The following XIRP2 variants were observed in gnomAD, a reference collection of about 807,000 sequenced individuals.
The protein encoded by XIRP2 is xin actin-binding repeat-containing protein 2.
XIRP2 carries 236 observed loss-of-function variants against 277.0 expected under a neutral mutation model. The observed-to-expected ratio is 0.85, with a 90% CI of 0.77 to 0.95. The LOEUF is 0.95. Among genes scored for constraint, XIRP2 ranks in the 40% least tolerant of loss-of-function variants. XIRP2 has a pLI of 0.00. For synonymous variants in XIRP2, 1,490 were observed against 1,416.5 expected (o/e 1.05, Z -1.17); for missense variants, 4,640 against 4,157.5 (o/e 1.12, Z -3.19).
At chr2:167,202,701 ACAGTGAATGCTTGTATCAGTTTC>A (rs1693757343) in intron 3 of XIRP2, among the ~76,000 whole-genome samples, 1 of 152,242 alleles carries the variant, frequency 6.6e-6, no homozygotes, top group Non-Finnish European at 1.5e-5. Context: ...ATGTATGTGT[ACAGTGAATGCTTGTATCAGTTTC>A]CTGTTGCTGC....
chr2:167,156,461 G>GCATT (rs1343875734), intron 3 of XIRP2, among the ~76,000 whole-genome samples: 4 of 151,994 alleles, frequency 2.6e-5, no homozygotes, highest in Admixed American at 6.6e-5. Context: ...TAGGGAAAGT[G>GCATT]CATTCTTAGA....
chr2:166,893,157 A>C (rs1262975125), intron 1 of XIRP2, among the ~76,000 whole-genome samples: 1 of 151,980 alleles, frequency 6.6e-6, no homozygotes, highest in African/African-American at 2.4e-5. Context: ...AAAAGTGAGA[A>C]TATTGGAATT....
At chr2:167,000,399 C>T (rs1687331626) in intron 2 of XIRP2, among the ~76,000 whole-genome samples, 1 of 151,934 alleles carries the variant, frequency 6.6e-6, no homozygotes, top group Non-Finnish European at 1.5e-5. Context: ...TTAATTGTTA[C>T]TTTTTCTAAT....
In XIRP2 at chr2:167,246,745, G is replaced by T. The variant is rs1215828388; in HGVS notation, c.5353G>T (p.Val1785Phe). The T allele has an allele frequency of 6.2e-7, 1 of 1,613,710 alleles. No individual in the cohort carries two copies. The highest frequency in any genetic ancestry group is 2.2e-5 in the East Asian group (1 of 44,844). The change falls in exon 9 of 11, where the codon GTT becomes TTT. Residue 1785 changes from valine (V) to phenylalanine (F), a missense_variant. Coordinates refer to ENST00000409195, the MANE Select transcript of XIRP2 (RefSeq NM_152381.6). ...AGAGAAAGAAATCATTGGTGGTGATGTTGAAGGTACAAAACTGTTACTGAA... is the reference window on the plus strand; with the variant it reads ...AGAGAAAGAAATCATTGGTGGTGATTTTGAAGGTACAAAACTGTTACTGAA... ...EGEKEIIGGD[V>F]EGTKLLLKKR...
At chr2:166,966,382 G>A (rs1022507288) in intron 2 of XIRP2, among the ~76,000 whole-genome samples, 3 of 151,518 alleles carry the variant, frequency 2.0e-5, no homozygotes, top group African/African-American at 7.3e-5. Context: ...TTGAAAATGT[G>A]AGCTAAAATT....
At chr2:167,194,965 A>C (rs941459765) in intron 3 of XIRP2, among the ~76,000 whole-genome samples, 1 of 152,202 alleles carries the variant, frequency 6.6e-6, no homozygotes, top group Non-Finnish European at 1.5e-5. Flanking sequence ...TATTATCCAT[A>C]TATTCCAGGG....
rs1357036172 is a variant in XIRP2 at position 166,984,148 on chromosome 2, A to G, written c.408+80258A>G. 2.0e-5 allele frequency among the ~76,000 whole-genome samples: 3 copies of G among 152,182 alleles called. No individual in the cohort carries two copies. In the East Asian group the frequency reaches 5.8e-4, roughly 29 times the overall value. ...TCATTATTATACTGTAATATGACTT[A>G]CAGCTCCACTAGAAGACTGCAAGAG... On this transcript the variant is annotated intron_variant, in intron 2 of 10. Transcript: ENST00000409195.
At chr2:167,067,916 A>G (rs970130396) in intron 2 of XIRP2, among the ~76,000 whole-genome samples, 1 of 152,132 alleles carries the variant, frequency 6.6e-6, no homozygotes, top group Non-Finnish European at 1.5e-5. Flanking sequence ...TTCCATATTC[A>G]TGTGCAGATT....
intron 2 of XIRP2, among the ~76,000 whole-genome samples, chr2:167,058,803 A>T (rs1689101354): frequency 6.6e-6 from 1 of 152,238 alleles, no homozygotes; most frequent in Admixed American, 6.5e-5. Context: ...TGAGAAATAC[A>T]GAAAGGCATA....
chr2:167,250,633 C>T lies in XIRP2; in HGVS notation c.9241C>T (p.Gln3081Ter). The change falls in exon 9 of 11, where the codon CAG becomes TAG. Residue 3081 changes from glutamine (Q) to a stop codon, truncating the protein, a stop_gained. Transcript: ENST00000409195. LOFTEE classifies it high-confidence loss of function. ...TAAAATTGCCAAAGAGAAAACAGTA[C>T]AGCACCAAGTAGCAGCTCATCATGA... ...ENKIAKEKTVQHQVAAHHEAT... is the reference protein window; with the variant it reads ...ENKIAKEKTV The T allele has an allele frequency of 6.2e-7, 1 of 1,613,454 alleles. No homozygotes were observed. The highest frequency in any genetic ancestry group is 8.5e-7 in the Non-Finnish European group (1 of 1,179,694).
chr2:167,152,482 A>C (rs1043379073), intron 3 of XIRP2, among the ~76,000 whole-genome samples: 1 of 152,142 alleles, frequency 6.6e-6, no homozygotes, highest in African/African-American at 2.4e-5. Context: ...GCTGTGACAC[A>C]TAAAACTTAT....
chr2:167,019,171 G>A (rs546095482), intron 2 of XIRP2, among the ~76,000 whole-genome samples: 1 of 152,060 alleles, frequency 6.6e-6, no homozygotes, highest in East Asian at 1.9e-4. Context: ...TCTACTTCCT[G>A]TGACTGTTAG....
chr2:166,904,034 G>A, intron 2 of XIRP2, 144 bp downstream of exon 2: 1 of 930,882 alleles, frequency 1.1e-6, no homozygotes, highest in Non-Finnish European at 1.6e-6. Context: ...TGTGAAATGT[G>A]ACATCCTCTC....
At chr2:167,171,970 A>G (rs1235674720) in intron 3 of XIRP2, among the ~76,000 whole-genome samples, 1 of 152,202 alleles carries the variant, frequency 6.6e-6, no homozygotes, top group Non-Finnish European at 1.5e-5. Flanking sequence ...TTTACGGGGT[A>G]CATGAAATAT....
At chr2:167,225,109 G>A (rs1694554240) in intron 5 of XIRP2, among the ~76,000 whole-genome samples, 1 of 152,140 alleles carries the variant, frequency 6.6e-6, no homozygotes, top group African/African-American at 2.4e-5. Flanking sequence ...TAGGTATGTT[G>A]GAGCCTCACA....
chr2:167,072,067 A>G (rs141995157), intron 2 of XIRP2, among the ~76,000 whole-genome samples: 1,869 of 152,320 alleles, frequency 0.012, 39 homozygotes, highest in African/African-American at 0.043. Flanking sequence ...CATTTAATAC[A>G]GCAGCACAAT....
At chr2:167,211,140 TG>T (rs1694030284) in intron 4 of XIRP2, among the ~76,000 whole-genome samples, 1 of 152,172 alleles carries the variant, frequency 6.6e-6, no homozygotes, top group African/African-American at 2.4e-5. Flanking sequence ...AGTCTTGCTC[TG>T]TCATCCAGGC....
intron 2 of XIRP2, among the ~76,000 whole-genome samples, chr2:166,937,828 G>C (rs1435712233): frequency 2.6e-5 from 4 of 152,162 alleles, no homozygotes; most frequent in African/African-American, 7.2e-5. Flanking sequence ...TGTTGGGAGG[G>C]TGTATGTGTT....
chr2:167,091,728 A>G (rs1355264457), intron 2 of XIRP2, among the ~76,000 whole-genome samples: 1 of 152,120 alleles, frequency 6.6e-6, no homozygotes, highest in African/African-American at 2.4e-5. Context: ...TGGACATTAC[A>G]TAATTACAGA....
Sources: gnomAD v4.1 joint callset for allele counts (sites outside exome capture counted in the v4.1 genomes callset) on GRCh38, gnomAD v4.1.1 for gene constraint, MANE v1.5 for transcripts, NCBI Gene and HGNC (gene_info 2026-07-23, HGNC 2026-07-21) for gene names.